Variants in NCKAP1 observed in about 807,000 individuals in gnomAD.
NCKAP1 encodes the protein nck-associated protein 1.
Under a neutral mutation model 151.2 loss-of-function variants are expected in NCKAP1, and 21 were observed. That is an observed-to-expected ratio of 0.14 (90% CI 0.10 to 0.20). The LOEUF (loss-of-function observed/expected upper bound fraction) is 0.20, where lower values mean the gene tolerates loss of function less well. NCKAP1 is among the 10% of genes least tolerant of loss of function. The probability of loss-of-function intolerance (pLI) is 1.00; values close to 1 mark genes in which losing one functional copy is unlikely to be tolerated. For missense variants in NCKAP1, 933 were observed against 1,352.1 expected (o/e 0.69, Z 4.86); for synonymous variants, 484 against 451.8 (o/e 1.07, Z -0.90).
At chr2:182,961,749 A>AAATG (rs1447794908) in intron 18 of NCKAP1, among the ~76,000 whole-genome samples, 2 of 151,958 alleles carry the variant, frequency 1.3e-5, no homozygotes, top group Non-Finnish European at 2.9e-5. Flanking sequence ...ATAAATAAAT[A>AAATG]AATAGATGCT....
chr2:182,995,882 C>T, intron 6 of NCKAP1, 44 bp from the exon 7 acceptor site: 1 of 1,528,570 alleles, frequency 6.5e-7, no homozygotes, highest in Non-Finnish European at 9.0e-7. Context: ...ATTTTCTTTC[C>T]TTTTCTGTTT....
chr2:183,007,161 C>CA (rs1698493281), intron 2 of NCKAP1, among the ~76,000 whole-genome samples: 1 of 152,230 alleles, frequency 6.6e-6, no homozygotes, highest in Non-Finnish European at 1.5e-5. Flanking sequence ...GCATGAGCCA[C>CA]TGTACCCGGC....
intron 21 of NCKAP1, 29 bp from the exon 22 acceptor site, chr2:182,952,952 A>T: frequency 6.3e-7 from 1 of 1,592,364 alleles, no homozygotes; most frequent in South Asian, 1.1e-5. Flanking sequence ...TTATAACCGG[A>T]AGAAACTGCT....
chr2:182,923,862 A>C lies in NCKAP1; in HGVS notation c.*1840T>G, dbSNP rs139475685. The C allele has an allele frequency of 6.6e-6, 1 of 152,236 alleles. No individual in the cohort carries two copies. Among genetic ancestry groups the C allele is most frequent in the African/African-American group, 2.4e-5 (1 of 41,546 alleles). The allele number at this position is 152,236 out of a possible 1,614,324, so 9.4% of individuals were successfully genotyped here. ...CTGTATGAGAAAAAATTTGGACAAA[A>C]ACTTCAGGTGACTATGAGGAGCGAT... On this transcript the variant is annotated 3_prime_UTR_variant, in exon 31 of 31. Transcript: ENST00000361354.
chr2:183,032,696 G>T (rs1044724850), intron 1 of NCKAP1, among the ~76,000 whole-genome samples: 1 of 152,136 alleles, frequency 6.6e-6, no homozygotes, highest in Non-Finnish European at 1.5e-5. Context: ...TCTTTATACA[G>T]ATGCTCCTCA....
Position 182,914,555 on chromosome 2 carries a change from C to A in NCKAP1, c.*11147G>T, listed in dbSNP as rs1487533099. On this transcript the variant is annotated 3_prime_UTR_variant, in exon 31 of 31. Coordinates refer to ENST00000361354, the MANE Select transcript of NCKAP1 (RefSeq NM_013436.5). Reference sequence around the variant, plus strand: ...TATGCAATTTATATGAAACCCATTACCCACTATAACCATCTTTGAGGACAC... The same window carrying A: ...TATGCAATTTATATGAAACCCATTAACCACTATAACCATCTTTGAGGACAC... The A allele has an allele frequency of 6.6e-6, 1 of 152,122 alleles. No homozygotes were observed. Among genetic ancestry groups the A allele is most frequent in the Non-Finnish European group, 1.5e-5 (1 of 68,026 alleles). The allele number at this position is 152,122 out of a possible 1,614,324, so 9.4% of individuals were successfully genotyped here.
At chr2:183,021,715 T>A (rs1422827037) in intron 2 of NCKAP1, among the ~76,000 whole-genome samples, 1 of 152,208 alleles carries the variant, frequency 6.6e-6, no homozygotes, top group Non-Finnish European at 1.5e-5. Flanking sequence ...TATTACATTA[T>A]TCCTGATGAA....
intron 29 of NCKAP1, chr2:182,927,113 A>T: frequency 2.3e-6 from 1 of 427,802 alleles, no homozygotes; most frequent in Non-Finnish European, 4.1e-6. Flanking sequence ...TAACATAATA[A>T]ATGTAATCAA....
intron 27 of NCKAP1, among the ~76,000 whole-genome samples, chr2:182,930,082 CCTTCT>C (rs754613025): frequency 2.0e-5 from 3 of 151,962 alleles, no homozygotes; most frequent in Non-Finnish European, 4.4e-5. Flanking sequence ...TTAAAAAAAT[CCTTCT>C]CTTGACTTTG....
At position 182,918,500 on chromosome 2, in the gene NCKAP1, C is replaced by T. The variant is rs1389705787; in HGVS notation, c.*7202G>A. 2 of 152,168 alleles carry T rather than the reference C, an allele frequency of 1.3e-5. No individual in the cohort carries two copies. Among genetic ancestry groups the T allele is most frequent in the Non-Finnish European group, 2.9e-5 (2 of 68,030 alleles). The allele number at this position is 152,168 out of a possible 1,614,324, so 9.4% of individuals were successfully genotyped here. A position where few individuals can be genotyped will look rare whatever the true frequency, so the allele number is the denominator to read the frequency against. On this transcript the variant is annotated 3_prime_UTR_variant, in exon 31 of 31. Transcript: ENST00000361354. ...TATATACACACCACGGAATACTGTTCAGCCATAAAAAAAGAAACAATGTCT... is the reference window on the plus strand; with the variant it reads ...TATATACACACCACGGAATACTGTTTAGCCATAAAAAAAGAAACAATGTCT...
chr2:182,943,580 C>A (rs924833215), intron 23 of NCKAP1, among the ~76,000 whole-genome samples: 9 of 151,958 alleles, frequency 5.9e-5, no homozygotes, highest in Admixed American at 6.5e-5. Flanking sequence ...AACATCGTAT[C>A]ACATATCAGT....
intron 30 of NCKAP1, 66 bp downstream of exon 30, chr2:182,926,750 C>A: frequency 2.7e-6 from 3 of 1,113,146 alleles, no homozygotes; most frequent in Admixed American, 2.2e-5. Flanking sequence ...ACTAAGATGC[C>A]AAGAAAAGAT....
chr2:182,956,604 T>A lies in NCKAP1; in HGVS notation c.2022-11A>T. The A allele has an allele frequency of 6.3e-7, 1 of 1,594,354 alleles. No individual in the cohort carries two copies. The highest frequency in any genetic ancestry group is 8.5e-7 in the Non-Finnish European group (1 of 1,173,282). ...TGCAATTTATCAAGGCTGAAAAAAATTAATAAACAGTTAAAATGTTCACAT... is the reference window on the plus strand; with the variant it reads ...TGCAATTTATCAAGGCTGAAAAAAAATAATAAACAGTTAAAATGTTCACAT... On this transcript the variant is annotated splice_polypyrimidine_tract_variant and intron_variant, in intron 19 of 30. Transcript: ENST00000361354.
intron 2 of NCKAP1, 146 bp downstream of exon 2, chr2:183,023,660 T>C: frequency 1.8e-6 from 1 of 549,370 alleles, no homozygotes; most frequent in South Asian, 3.3e-5. Context: ...ATAAGAATAT[T>C]GTCTCAAAAA....
chr2:183,018,871 G>A (rs958867239), intron 2 of NCKAP1, among the ~76,000 whole-genome samples: 6 of 152,074 alleles, frequency 3.9e-5, no homozygotes, highest in Non-Finnish European at 7.4e-5. Context: ...CTATTGCTTC[G>A]CCTCTGAACT....
chr2:182,962,793 T>C lies in NCKAP1; in HGVS notation c.1762-515A>G, dbSNP rs150064557. 5.6e-3 allele frequency among the ~76,000 whole-genome samples: 846 copies of C among 150,886 alleles called. 5 individuals are homozygous for C. Among genetic ancestry groups the C allele is most frequent in the African/African-American group, 0.02 (803 of 41,170 alleles). On this transcript the variant is annotated intron_variant, in intron 17 of 30. Coordinates refer to ENST00000361354, the MANE Select transcript of NCKAP1 (RefSeq NM_013436.5). ...ATAGAAAGTCCAAGGCATTCAAATC[T>C]CTAAAATCAAACCCTATTGCTCCCA...
chr2:182,926,137 T>C (rs1314086018), intron 30 of NCKAP1, among the ~76,000 whole-genome samples: 1 of 152,150 alleles, frequency 6.6e-6, no homozygotes, highest in African/African-American at 2.4e-5. Context: ...TATTTTTTTT[T>C]TGTACTATCA....
chr2:182,985,234 C>T (rs1298929222), intron 10 of NCKAP1, among the ~76,000 whole-genome samples: 3 of 152,068 alleles, frequency 2.0e-5, no homozygotes, highest in East Asian at 1.9e-4. Context: ...TTATAGTTTT[C>T]GCTATGGAGT....
intron 9 of NCKAP1, among the ~76,000 whole-genome samples, chr2:182,987,671 T>G (rs200284648): frequency 1.3e-5 from 2 of 152,192 alleles, no homozygotes; most frequent in East Asian, 1.9e-4. Context: ...TGCTAGTACA[T>G]GATATTAATA....
Sources: gnomAD v4.1 joint callset for allele counts (sites outside exome capture counted in the v4.1 genomes callset) on GRCh38, gnomAD v4.1.1 for gene constraint, MANE v1.5 for transcripts, NCBI Gene and HGNC (gene_info 2026-07-23, HGNC 2026-07-21) for gene names.